RAMP3: variants seen among roughly 807,000 people sequenced by gnomAD.
The protein encoded by RAMP3 is receptor activity modifying protein 3, also known as receptor activity-modifying protein 3.
In RAMP3, 14 loss-of-function variants were observed where a neutral mutation model predicts 13.5. The ratio of observed to expected loss-of-function variants is 1.04; its 90% CI spans 0.69 to 1.63. The LOEUF is 1.63. Ranked by LOEUF, RAMP3 falls within the 40% of genes most tolerant of loss-of-function variation. RAMP3 has a pLI of 0.00. For missense variants in RAMP3, 200 were observed against 204.8 expected, an observed-to-expected ratio of 0.98 and a Z score of 0.14; for synonymous variants, 106 against 88.3, an observed-to-expected ratio of 1.20 and a Z score of -1.12.
At chr7:45,157,987 C>G (rs1785792390) in intron 1 of RAMP3, 101 bp downstream of exon 1, 1 of 1,160,422 alleles carries the variant, frequency 8.6e-7, no homozygotes, top group East Asian at 3.2e-5. Flanking sequence ...CGGTCCTTCC[C>G]TTGCCCCGGA....
intron 1 of RAMP3, among the ~76,000 whole-genome samples, chr7:45,172,711 AT>A (rs1336024822): frequency 1.3e-5 from 2 of 152,100 alleles, no homozygotes; most frequent in African/African-American, 4.8e-5. Flanking sequence ...TACTTAGTTG[AT>A]TTTTGATTGT....
At chr7:45,178,803 C>T (rs1786245783) in intron 2 of RAMP3, among the ~76,000 whole-genome samples, 2 of 152,184 alleles carry the variant, frequency 1.3e-5, no homozygotes, top group Admixed American at 1.3e-4. Flanking sequence ...ATAGAGATGT[C>T]CAGCCGTGGA....
intron 1 of RAMP3, among the ~76,000 whole-genome samples, chr7:45,166,327 G>A (rs1303022096): frequency 3.9e-5 from 6 of 152,176 alleles, no homozygotes; most frequent in East Asian, 1.9e-4. Context: ...GTGCTATCAC[G>A]TCTGACTGCC....
In RAMP3 at chr7:45,168,693, T is replaced by C. The variant is rs140162168; in HGVS notation, c.59-8616T>C. 2.0e-5 allele frequency among the ~76,000 whole-genome samples: 3 copies of C among 152,342 alleles called. No individual in the cohort carries two copies. The East Asian group carries it at 5.8e-4, about 29-fold the overall frequency. ...CCTGTATGTTGATTCTTTCAGATTT[T>C]CTAAGTATAAAATCGTGTCATCTGT... On this transcript the variant is annotated intron_variant, in intron 1 of 2. Coordinates refer to ENST00000242249, the MANE Select transcript of RAMP3 (RefSeq NM_005856.3).
intron 1 of RAMP3, among the ~76,000 whole-genome samples, chr7:45,166,248 C>T (rs762276046): frequency 2.0e-5 from 3 of 151,196 alleles, no homozygotes; most frequent in Admixed American, 6.6e-5. Flanking sequence ...AGTCATAGCT[C>T]ACTGCAACCC....
At chr7:45,168,406 CAAAAAA>C (rs71030854) in intron 1 of RAMP3, among the ~76,000 whole-genome samples, 20 of 70,364 alleles carry the variant, frequency 2.8e-4, no homozygotes, top group East Asian at 1.9e-3. Flanking sequence ...ACTCTGTTTC[CAAAAAA>C]AAAAAAAAAA....
chr7:45,177,394 G>T lies in RAMP3; in HGVS notation c.144G>T (p.Met48Ile). Residue 48 changes from methionine to isoleucine, a missense_variant, in exon 2 of 3, where the codon ATG (methionine) becomes ATT (isoleucine). Met to Ile is a conservative substitution (Grantham distance 10). Coordinates refer to ENST00000242249, the MANE Select transcript of RAMP3 (RefSeq NM_005856.3). ...PLCGKAFADMMGKVDVWKWCN... is the reference protein window; with the variant it reads ...PLCGKAFADMIGKVDVWKWCN... The stretch of plus-strand genomic sequence containing the variant: ...GTGGGAAGGCTTTCGCAGACATGAT[G>T]GGCAAGGTGGACGTCTGGAAGTGGT... 1 of 1,614,120 alleles carries T rather than the reference G, an allele frequency of 6.2e-7. No homozygotes were observed. Among genetic ancestry groups the T allele is most frequent in the Non-Finnish European group, 8.5e-7 (1 of 1,179,990 alleles).
Position 45,183,296 on chromosome 7 carries a change from T to C in RAMP3, c.331T>C (p.Leu111=). Residue 111 remains leucine, a synonymous_variant, in exon 3 of 3, where the codon TTG becomes CTG. Transcript: ENST00000242249. ...CAACTGCACCGTGGACAGGGTCCAC[T>C]TGGAGGACCCCCCAGACGAGGTTCT... The part of the protein sequence containing the change: ...FSNCTVDRVH[L]EDPPDEVLIP... 8.7e-6 allele frequency: 14 copies of C among 1,614,112 alleles called. No individual in the cohort carries two copies. The highest frequency in any genetic ancestry group is 1.1e-5 in the Non-Finnish European group (13 of 1,180,038).
At chr7:45,175,733 T>A (rs183666318) in intron 1 of RAMP3, among the ~76,000 whole-genome samples, 8 of 152,156 alleles carry the variant, frequency 5.3e-5, no homozygotes, top group African/African-American at 1.9e-4. Context: ...GACAGTTCCC[T>A]TAACCCTGGG....
intron 1 of RAMP3, among the ~76,000 whole-genome samples, chr7:45,176,443 G>GCACA (rs757286658): frequency 1.5e-5 from 2 of 133,428 alleles, no homozygotes; most frequent in Admixed American, 8.0e-5. Context: ...GGCTGTGCGT[G>GCACA]CACACACACA....
At chr7:45,159,000 C>T (rs564170946) in intron 1 of RAMP3, among the ~76,000 whole-genome samples, 1 of 149,548 alleles carries the variant, frequency 6.7e-6, no homozygotes, top group Non-Finnish European at 1.5e-5. Context: ...AGATCTTGGT[C>T]GCTATAGTGG....
chr7:45,175,264 C>T (rs1295476861), intron 1 of RAMP3, among the ~76,000 whole-genome samples: 1 of 152,180 alleles, frequency 6.6e-6, no homozygotes, highest in Non-Finnish European at 1.5e-5. Context: ...GTCACTGACC[C>T]TGTGTCCAGG....
At chr7:45,173,472 C>T (rs1786118558) in intron 1 of RAMP3, among the ~76,000 whole-genome samples, 1 of 152,182 alleles carries the variant, frequency 6.6e-6, no homozygotes, top group Non-Finnish European at 1.5e-5. Context: ...TGTGGCCTCT[C>T]TAATATTGCT....
At chr7:45,160,269 T>C (rs913399327) in intron 1 of RAMP3, among the ~76,000 whole-genome samples, 1 of 127,444 alleles carries the variant, frequency 7.8e-6, no homozygotes, top group African/African-American at 3.1e-5. Context: ...AAGGCGGAGA[T>C]TGCAGTGAGC....
chr7:45,184,233 G>A lies in RAMP3; in HGVS notation c.*821G>A. On this transcript the variant is annotated 3_prime_UTR_variant, in exon 3 of 3. Transcript: ENST00000242249. ...ACCATCTGTGTTTTATCTGAGTAAA[G>A]TTACCTTACTTCTGGAATTTCCTGT... 2.5e-6 allele frequency: 1 copy of A among 398,440 alleles called. No homozygotes were observed. The highest frequency in any genetic ancestry group is 4.4e-6 in the Non-Finnish European group (1 of 226,064). 24.7% of individuals were successfully genotyped at this position (398,440 alleles called of 1,614,324 possible). A position where few individuals can be genotyped will look rare whatever the true frequency, so the allele number is the denominator to read the frequency against.
chr7:45,172,306 C>T (rs927732260), intron 1 of RAMP3, among the ~76,000 whole-genome samples: 4 of 152,246 alleles, frequency 2.6e-5, no homozygotes, highest in African/African-American at 9.6e-5. Context: ...ACAGGCTCTA[C>T]AGCCAGAGGT....
At chr7:45,170,317 CTT>C (rs1562953558) in intron 1 of RAMP3, among the ~76,000 whole-genome samples, 1 of 150,078 alleles carries the variant, frequency 6.7e-6, no homozygotes, top group Non-Finnish European at 1.5e-5. Context: ...GATTTGAGAT[CTT>C]TCTTCTTTAT....
rs1345523745 is a variant in RAMP3, at chr7:45,157,858, A to G, written c.30A>G (p.Gln10=). ...AGACTGGAGCGCTGCGGCGCCCGCAACTTCTCCCGTTGCTGCTGCTGCTCT... is the reference window on the plus strand; with the variant it reads ...AGACTGGAGCGCTGCGGCGCCCGCAGCTTCTCCCGTTGCTGCTGCTGCTCT... The part of the protein sequence containing the change: METGALRRP[Q]LLPLLLLLCG... Residue 10 remains glutamine (Q), a synonymous_variant, in exon 1 of 3, where the codon CAA becomes CAG. Transcript: ENST00000242249. 4 of 1,415,558 alleles carry G rather than the reference A, an allele frequency of 2.8e-6. No homozygotes were observed. The highest frequency in any genetic ancestry group is 3.7e-6 in the Non-Finnish European group (4 of 1,093,470). The allele number at this position is 1,415,558 out of a possible 1,614,324, so 87.7% of individuals were successfully genotyped here. A position where few individuals can be genotyped will look rare whatever the true frequency, so the allele number is the denominator to read the frequency against.
chr7:45,173,265 C>T (rs1249292578), intron 1 of RAMP3, among the ~76,000 whole-genome samples: 1 of 152,228 alleles, frequency 6.6e-6, no homozygotes, highest in African/African-American at 2.4e-5. Context: ...GTCCAGACGT[C>T]TGCCATATGA....
Sources: allele counts gnomAD v4.1 joint callset (sites outside exome capture counted in the v4.1 genomes callset), GRCh38; gene constraint gnomAD v4.1.1; transcripts MANE v1.5; gene names NCBI Gene and HGNC (gene_info 2026-07-23, HGNC 2026-07-21).